Variants in ABHD3 observed in about 807,000 individuals in gnomAD.
ABHD3 encodes the protein abhydrolase domain containing 3, phospholipase.
ABHD3 carries 46 observed loss-of-function variants against 48.8 expected under a neutral mutation model. The observed-to-expected ratio is 0.94, with a 90% CI of 0.74 to 1.20. The LOEUF (loss-of-function observed/expected upper bound fraction) is 1.20, where lower values mean the gene tolerates loss of function less well. ABHD3 is among the 50% of genes most tolerant of loss of function. The pLI is 0.00. For synonymous variants in ABHD3, 192 were observed against 183.7 expected (o/e 1.04, Z -0.36); for missense variants, 490 against 497.8 (o/e 0.98, Z 0.15).
intron 4 of ABHD3, among the ~76,000 whole-genome samples, chr18:21,683,185 G>A (rs892538024): frequency 2.0e-5 from 3 of 151,080 alleles, no homozygotes; most frequent in Non-Finnish European, 2.9e-5. Context: ...GACCTGTTGA[G>A]ATTGTAAAAA....
At chr18:21,673,187 CCT>C (rs1276364228) in intron 4 of ABHD3, among the ~76,000 whole-genome samples, 1 of 152,088 alleles carries the variant, frequency 6.6e-6, no homozygotes, top group Middle Eastern at 3.2e-3. Context: ...GATTTTCAGC[CCT>C]GTTTGTACAT....
At chr18:21,683,131 A>AG (rs1324946509) in intron 4 of ABHD3, 1 of 155,860 alleles carries the variant, frequency 6.4e-6, no homozygotes, top group Admixed American at 6.4e-5. Flanking sequence ...TTCTCTATCA[A>AG]TGACCCAAAA....
At chr18:21,699,240 G>A (rs1347067474) in intron 3 of ABHD3, among the ~76,000 whole-genome samples, 2 of 152,142 alleles carry the variant, frequency 1.3e-5, no homozygotes, top group Non-Finnish European at 2.9e-5. Context: ...ACTAAACCCT[G>A]TGAAGTAGAT....
At chr18:21,700,120 C>T (rs1026039602) in intron 3 of ABHD3, among the ~76,000 whole-genome samples, 3 of 151,726 alleles carry the variant, frequency 2.0e-5, no homozygotes, top group East Asian at 3.9e-4. Flanking sequence ...GACAGAGTCT[C>T]GCTCTGTCGC....
chr18:21,671,053 CCT>C (rs1313991768), intron 4 of ABHD3, among the ~76,000 whole-genome samples: 2 of 152,196 alleles, frequency 1.3e-5, no homozygotes, highest in Non-Finnish European at 2.9e-5. Context: ...AGACTTGGCC[CCT>C]GTCCTTTAGG....
chr18:21,682,771 G>C (rs1319705578), intron 4 of ABHD3: 6 of 152,244 alleles, frequency 3.9e-5, no homozygotes, highest in African/African-American at 1.4e-4. Flanking sequence ...AGAATGCACA[G>C]CAGACAGGAG....
At chr18:21,671,179 G>A (rs1297664721) in intron 4 of ABHD3, among the ~76,000 whole-genome samples, 1 of 152,048 alleles carries the variant, frequency 6.6e-6, no homozygotes, top group East Asian at 1.9e-4. Flanking sequence ...ATAAACCCTT[G>A]TCAAACTGAA....
At chr18:21,694,734 T>G (rs1270565487) in intron 3 of ABHD3, among the ~76,000 whole-genome samples, 1 of 152,190 alleles carries the variant, frequency 6.6e-6, no homozygotes, top group Admixed American at 6.5e-5. Context: ...CTGCTCTGTC[T>G]ACTGAGGTCA....
At chr18:21,676,105 C>T (rs947324637) in intron 4 of ABHD3, among the ~76,000 whole-genome samples, 1 of 152,160 alleles carries the variant, frequency 6.6e-6, no homozygotes, top group Non-Finnish European at 1.5e-5. Context: ...CCTCCTAATA[C>T]CATCACCTTG....
rs36011228 is a variant in ABHD3 at position 21,689,549 on chromosome 18, C to CAAAAAAAAAA, written c.510-5594_510-5585dup. On this transcript the variant is annotated intron_variant, in intron 3 of 8. Transcript: ENST00000289119. ...GGGCAACAAGGGTGAAATCTGGTCT[C>CAAAAAAAAAA]AAAAAAAAAAAAAAAAAAAAAAAAA... 2.6e-4 allele frequency among the ~76,000 whole-genome samples: 11 copies of CAAAAAAAAAA among 41,810 alleles called. No individual in the cohort carries two copies. In the Admixed American group the frequency reaches 3.0e-3, roughly 12 times the overall value. The allele number at this position is 41,810 out of a possible 152,430, so 27.4% of individuals were successfully genotyped here.
intron 4 of ABHD3, among the ~76,000 whole-genome samples, chr18:21,665,186 C>T (rs2039593576): frequency 1.3e-5 from 2 of 152,006 alleles, no homozygotes; most frequent in South Asian, 4.2e-4. Flanking sequence ...CTCAAGTGAT[C>T]CGCCTGCCTC....
chr18:21,699,410 G>C (rs2040456784), intron 3 of ABHD3, among the ~76,000 whole-genome samples: 1 of 152,178 alleles, frequency 6.6e-6, no homozygotes, highest in East Asian at 1.9e-4. Flanking sequence ...CCATGCTACA[G>C]TACCAATGAC....
chr18:21,701,818 A>G (rs2040519740), intron 3 of ABHD3: 1 of 152,224 alleles, frequency 6.6e-6, no homozygotes, highest in Non-Finnish European at 1.5e-5. Flanking sequence ...GCACCTGCAA[A>G]CTCAGGTGGT....
At chr18:21,680,957 G>T (rs2039993371) in intron 4 of ABHD3, among the ~76,000 whole-genome samples, 1 of 150,800 alleles carries the variant, frequency 6.6e-6, no homozygotes. Flanking sequence ...TCAACTTCTG[G>T]GCTCAAGTGA....
intron 3 of ABHD3, among the ~76,000 whole-genome samples, chr18:21,697,144 C>T (rs1353534027): frequency 3.5e-5 from 5 of 144,024 alleles, no homozygotes; most frequent in African/African-American, 5.3e-5. Context: ...GGTGCGATCT[C>T]GGATTACTGC....
At chr18:21,660,272 G>A (rs576938361) in intron 5 of ABHD3, among the ~76,000 whole-genome samples, 1 of 151,414 alleles carries the variant, frequency 6.6e-6, no homozygotes, top group Non-Finnish European at 1.5e-5. Context: ...GAGTTAACTG[G>A]TCTGGATCAC....
intron 3 of ABHD3, among the ~76,000 whole-genome samples, chr18:21,691,925 T>C (rs538738608): frequency 1.3e-5 from 2 of 152,344 alleles, no homozygotes; most frequent in South Asian, 2.1e-4. Flanking sequence ...AGAAATCATA[T>C]GTTTATCTGT....
At chr18:21,678,201 T>C (rs942110470) in intron 4 of ABHD3, among the ~76,000 whole-genome samples, 3 of 147,528 alleles carry the variant, frequency 2.0e-5, no homozygotes, top group Non-Finnish European at 3.0e-5. Flanking sequence ...GTGATCCTCC[T>C]GCCTCTGCCT....
intron 4 of ABHD3, among the ~76,000 whole-genome samples, chr18:21,666,853 C>G (rs975484928): frequency 6.6e-6 from 1 of 151,946 alleles, no homozygotes; most frequent in South Asian, 2.1e-4. Context: ...GCAATCCTCT[C>G]GGTAGAATAT....
Sources: allele counts gnomAD v4.1 joint callset (sites outside exome capture counted in the v4.1 genomes callset), GRCh38; gene constraint gnomAD v4.1.1; transcripts MANE v1.5; gene names NCBI Gene and HGNC (gene_info 2026-07-23, HGNC 2026-07-21).